ATP11B: variants seen among roughly 807,000 people sequenced by gnomAD.
ATP11B encodes the protein phospholipid-transporting ATPase IF.
A neutral mutation model predicts 157.8 loss-of-function variants in ATP11B; 81 were observed. The observed-to-expected ratio is 0.51, with a 90% CI of 0.43 to 0.62. The LOEUF is 0.62. Ranked by LOEUF, ATP11B falls within the 20% of genes least tolerant of loss-of-function variation. The pLI, the probability that ATP11B is intolerant of heterozygous loss-of-function variation, is 0.00. For missense variants in ATP11B, 1,165 were observed against 1,402.2 expected (o/e 0.83, Z 2.70); for synonymous variants, 451 against 469.4 (o/e 0.96, Z 0.51).
At chr3:182,915,019 C>A in intron 29 of ATP11B, 1 of 985,284 alleles carries the variant, frequency 1.0e-6, no homozygotes, top group Non-Finnish European at 1.2e-6. Flanking sequence ...TTGGAAATTA[C>A]CCCAGGAACA....
chr3:182,812,965 A>G (rs1716759903), intron 1 of ATP11B, among the ~76,000 whole-genome samples: 2 of 152,180 alleles, frequency 1.3e-5, no homozygotes, highest in African/African-American at 2.4e-5. Flanking sequence ...GAATCATACA[A>G]TATTTGTCAT....
At chr3:182,915,393 G>T in intron 29 of ATP11B, 1 of 985,306 alleles carries the variant, frequency 1.0e-6, no homozygotes, top group Non-Finnish European at 1.2e-6. Flanking sequence ...ACTTTGTTAT[G>T]ATTTACATAA....
intron 4 of ATP11B, among the ~76,000 whole-genome samples, chr3:182,834,978 A>G (rs965234961): frequency 4.1e-4 from 62 of 152,188 alleles, no homozygotes; most frequent in African/African-American, 1.4e-3. Context: ...TAGAGAAAAG[A>G]ACATGTTTTT....
intron 19 of ATP11B, among the ~76,000 whole-genome samples, chr3:182,874,339 A>G (rs781235822): frequency 6.6e-6 from 1 of 152,220 alleles, no homozygotes; most frequent in Non-Finnish European, 1.5e-5. Context: ...CTCTCTCTTC[A>G]GCTTTACACT....
intron 28 of ATP11B, among the ~76,000 whole-genome samples, chr3:182,899,639 T>C (rs1373948780): frequency 1.3e-5 from 2 of 152,230 alleles, no homozygotes; most frequent in African/African-American, 4.8e-5. Flanking sequence ...TGGGGCCTGA[T>C]AGATCTCAGT....
At chr3:182,914,842 C>A in intron 29 of ATP11B, 1 of 985,280 alleles carries the variant, frequency 1.0e-6, no homozygotes, top group Admixed American at 6.1e-5. Flanking sequence ...GAGCTTTTTC[C>A]ACACTTGGTG....
At chr3:182,818,928 A>G (rs981748305) in intron 1 of ATP11B, among the ~76,000 whole-genome samples, 3 of 151,050 alleles carry the variant, frequency 2.0e-5, no homozygotes, top group African/African-American at 4.9e-5. Flanking sequence ...AAAAAAAAAA[A>G]AAAGAAAAAA....
rs183662769 is a variant in ATP11B, at chr3:182,861,190, C to T, written c.1200+1831C>T. 9.5e-3 allele frequency among the ~76,000 whole-genome samples: 1,440 copies of T among 151,824 alleles called. 10 individuals are homozygous for T. The highest frequency in any genetic ancestry group is 0.015 in the Non-Finnish European group (1,043 of 67,942). On this transcript the variant is annotated intron_variant, in intron 12 of 29. Coordinates refer to ENST00000323116, the MANE Select transcript of ATP11B (RefSeq NM_014616.3). ...AAGCAATTCTTCTACCTCAGCCTCC[C>T]GAGTAGCTGGGATTACAGGCATGTG...
intron 14 of ATP11B, among the ~76,000 whole-genome samples, chr3:182,866,865 A>G (rs1721275838): frequency 1.4e-5 from 2 of 147,526 alleles, no homozygotes; most frequent in Admixed American, 1.4e-4. Context: ...ATTATTATAT[A>G]TAACATATAT....
intron 4 of ATP11B, among the ~76,000 whole-genome samples, chr3:182,835,614 A>G (rs901142151): frequency 6.6e-6 from 1 of 152,162 alleles, no homozygotes; most frequent in African/African-American, 2.4e-5. Context: ...TGAGATATTA[A>G]TAAAGCAATT....
intron 4 of ATP11B, chr3:182,833,547 T>A (rs1418417443): frequency 6.6e-6 from 1 of 152,116 alleles, no homozygotes; most frequent in Non-Finnish European, 1.5e-5. Flanking sequence ...GGGTCTGGTC[T>A]CCAACTCCTG....
chr3:182,918,186 C>T lies in ATP11B; in HGVS notation c.*82C>T, dbSNP rs1725261116. ...ATCACCCTGTTAATGGCCACACTAG[C>T]TCTGAAATTAATTTCCAAAATCTTT... On this transcript the variant is annotated 3_prime_UTR_variant, in exon 30 of 30. Coordinates refer to ENST00000323116, the MANE Select transcript of ATP11B (RefSeq NM_014616.3). 1 of 1,564,698 alleles carries T rather than the reference C, an allele frequency of 6.4e-7. No individual in the cohort carries two copies. The highest frequency in any genetic ancestry group is 1.9e-5 in the Admixed American group (1 of 53,970).
At chr3:182,852,617 G>A (rs2108526709) in intron 10 of ATP11B, among the ~76,000 whole-genome samples, 1 of 152,284 alleles carries the variant, frequency 6.6e-6, no homozygotes, top group African/African-American at 2.4e-5. Context: ...CTAAAGATTT[G>A]CCTTTTCAAC....
At chr3:182,881,037 T>C in intron 21 of ATP11B, 56 bp downstream of exon 21, 1 of 1,322,940 alleles carries the variant, frequency 7.6e-7, no homozygotes, top group South Asian at 1.3e-5. Flanking sequence ...GTGGTATTAT[T>C]TGGTGGTTTT....
At chr3:182,861,516 G>A (rs1037154797) in intron 12 of ATP11B, among the ~76,000 whole-genome samples, 1 of 152,208 alleles carries the variant, frequency 6.6e-6, no homozygotes, top group African/African-American at 2.4e-5. Context: ...CAACTTAAGT[G>A]TTACTGTGAA....
intron 28 of ATP11B, 101 bp from the exon 29 acceptor site, chr3:182,913,760 A>G (rs1315969382): frequency 1.3e-6 from 2 of 1,579,444 alleles, no homozygotes; most frequent in Admixed American, 1.8e-5. Flanking sequence ...GTAGGTTTAT[A>G]TATGTTACCT....
At chr3:182,884,041 A>C (rs893259475) in intron 21 of ATP11B, among the ~76,000 whole-genome samples, 1 of 151,272 alleles carries the variant, frequency 6.6e-6, no homozygotes, top group Non-Finnish European at 1.5e-5. Flanking sequence ...CATCGCTTAT[A>C]CATTTTGGAA....
intron 21 of ATP11B, among the ~76,000 whole-genome samples, chr3:182,882,243 T>C (rs1026008455): frequency 2.0e-5 from 3 of 152,188 alleles, no homozygotes; most frequent in Non-Finnish European, 2.9e-5. Context: ...TTTGAAAACT[T>C]AATTCTCCTT....
At chr3:182,854,813 C>G (rs1720254493) in intron 10 of ATP11B, among the ~76,000 whole-genome samples, 1 of 146,728 alleles carries the variant, frequency 6.8e-6, no homozygotes, top group African/African-American at 2.5e-5. Context: ...GCCTACAAGT[C>G]AACAATGAAA....
Sources: allele counts gnomAD v4.1 joint callset (sites outside exome capture counted in the v4.1 genomes callset), GRCh38; gene constraint gnomAD v4.1.1; transcripts MANE v1.5; gene names NCBI Gene and HGNC (gene_info 2026-07-23, HGNC 2026-07-21).